The following RAPGEF6 variants were observed in gnomAD, a reference collection of about 807,000 sequenced individuals.
The protein encoded by RAPGEF6 is Rap guanine nucleotide exchange factor 6.
In RAPGEF6, 56 loss-of-function variants were observed where a neutral mutation model predicts 171.4. That is an observed-to-expected ratio of 0.33 (90% CI 0.26 to 0.41). The LOEUF (loss-of-function observed/expected upper bound fraction) is 0.41, where lower values mean the gene tolerates loss of function less well. RAPGEF6 is among the 10% of genes least tolerant of loss of function. The pLI, the probability that RAPGEF6 is intolerant of heterozygous loss-of-function variation, is 1.00. For missense variants in RAPGEF6, 1,674 were observed against 1,921.4 expected (o/e 0.87, Z 2.41); for synonymous variants, 692 against 650.1 (o/e 1.06, Z -0.98).
chr5:131,489,505 TAAG>T (rs1397675467), intron 15 of RAPGEF6, 38 bp downstream of exon 15: 1 of 1,188,610 alleles, frequency 8.4e-7, no homozygotes, highest in Non-Finnish European at 1.2e-6. Context: ...ATTACCAAAT[TAAG>T]AAGAAAGAGT....
At chr5:131,634,871 T>G (rs570471905) in intron 1 of RAPGEF6, 91 bp downstream of exon 1, 24 of 1,431,356 alleles carry the variant, frequency 1.7e-5, no homozygotes, top group Non-Finnish European at 2.3e-5. Context: ...TGCGAGACTC[T>G]GGCAAGAGGG....
intron 7 of RAPGEF6, among the ~76,000 whole-genome samples, chr5:131,512,190 T>A (rs1456607299): frequency 2.0e-5 from 3 of 152,030 alleles, no homozygotes; most frequent in Non-Finnish European, 4.4e-5. Flanking sequence ...AGAGCATTTG[T>A]GACAGAAAGT....
intron 6 of RAPGEF6, among the ~76,000 whole-genome samples, chr5:131,538,866 G>T (rs1355566550): frequency 6.6e-6 from 1 of 151,942 alleles, no homozygotes; most frequent in Non-Finnish European, 1.5e-5. Flanking sequence ...GTCTATTTGT[G>T]GACTCAATAC....
At chr5:131,601,762 A>G (rs567337470) in intron 3 of RAPGEF6, among the ~76,000 whole-genome samples, 1 of 152,210 alleles carries the variant, frequency 6.6e-6, no homozygotes, top group South Asian at 2.1e-4. Context: ...GGCCGGGCGC[A>G]GTGGCTCACG....
chr5:131,466,601 T>C (rs1754367409), intron 17 of RAPGEF6, among the ~76,000 whole-genome samples: 1 of 152,198 alleles, frequency 6.6e-6, no homozygotes, highest in Admixed American at 6.5e-5. Flanking sequence ...CGAGATCTGA[T>C]GGTTTTAAAC....
intron 6 of RAPGEF6, among the ~76,000 whole-genome samples, chr5:131,538,042 T>C (rs1378948698): frequency 6.6e-6 from 1 of 152,164 alleles, no homozygotes; most frequent in African/African-American, 2.4e-5. Flanking sequence ...CAATGAGCTG[T>C]GATCATTCCA....
chr5:131,461,686 C>T lies in RAPGEF6; in HGVS notation c.2864+19G>A, dbSNP rs757805946. On this transcript the variant is annotated intron_variant, in intron 19 of 27. Coordinates refer to ENST00000509018, the MANE Select transcript of RAPGEF6 (RefSeq NM_016340.6). The stretch of plus-strand genomic sequence containing the variant: ...TGACAAAACCATACAGACATTTGTA[C>T]CTATTTGTACCAACTTACCTTATTA... The T allele has an allele frequency of 2.5e-6, 4 of 1,573,780 alleles. No homozygotes were observed. Among genetic ancestry groups the T allele is most frequent in the South Asian group, 2.3e-5 (2 of 86,446 alleles).
Position 131,488,066 on chromosome 5 carries a change from A to G in RAPGEF6, c.1840+1480T>C, listed in dbSNP as rs531426808. Among the ~76,000 whole-genome samples the G allele has an allele frequency of 3.1e-4, 47 of 152,224 alleles. 1 individual carries two copies. In the South Asian group the frequency reaches 9.1e-3, roughly 30 times the overall value. ...CTCCTTGGTGTTTTGCTTTCCTCCT[A>G]GGGTAAGGAAGAAAGAGGTGACTGC... is the stretch of plus-strand genomic sequence containing the variant. On this transcript the variant is annotated intron_variant, in intron 15 of 27. Transcript: ENST00000509018.
At chr5:131,488,174 C>T (rs2149869236) in intron 15 of RAPGEF6, among the ~76,000 whole-genome samples, 1 of 152,252 alleles carries the variant, frequency 6.6e-6, no homozygotes, top group South Asian at 2.1e-4. Flanking sequence ...TGTTTTCCCA[C>T]TACTCAAAGG....
Position 131,508,145 on chromosome 5 carries a change from T to C in RAPGEF6, c.868A>G (p.Arg290Gly), listed in dbSNP as rs1434577533. The change falls in exon 9 of 28, where the codon AGA (arginine) becomes GGA (glycine). Residue 290 changes from arginine to glycine, a missense_variant. Physicochemically the swap from Arg to Gly is moderately radical, Grantham distance 125 (BLOSUM62 -2). This residue lies in a region of RAPGEF6 where 1,116 missense variants were observed against 1,321.5 expected (regional missense o/e 0.84). Coordinates refer to ENST00000509018, the MANE Select transcript of RAPGEF6 (RefSeq NM_016340.6). ...AFANMTMSVR[R>G]ELCSVMIFEV... ...AAAATCATCACTGAGCAGAGTTCTCTCCTTACAGACATGGTCATGTTTGCA... is the reference window on the plus strand; with the variant it reads ...AAAATCATCACTGAGCAGAGTTCTCCCCTTACAGACATGGTCATGTTTGCA... The C allele has an allele frequency of 4.3e-6, 7 of 1,613,566 alleles. No homozygotes were observed. The highest frequency in any genetic ancestry group is 5.9e-6 in the Non-Finnish European group (7 of 1,179,668).
intron 27 of RAPGEF6, 42 bp from the exon 28 acceptor site, chr5:131,427,333 T>G: frequency 6.7e-7 from 1 of 1,484,308 alleles, no homozygotes; most frequent in Non-Finnish European, 9.3e-7. Context: ...GATCAGCATA[T>G]TAATGAGATC....
chr5:131,534,479 A>G (rs111448170), intron 6 of RAPGEF6, among the ~76,000 whole-genome samples: 9 of 152,266 alleles, frequency 5.9e-5, no homozygotes, highest in African/African-American at 2.2e-4. Context: ...CAAAAGACAC[A>G]ATACCAAAAT....
chr5:131,454,556 A>G (rs1038807141), intron 20 of RAPGEF6, among the ~76,000 whole-genome samples: 1 of 152,212 alleles, frequency 6.6e-6, no homozygotes, highest in East Asian at 1.9e-4. Flanking sequence ...CTGGAAAAGA[A>G]CATTAAACTA....
chr5:131,469,595 C>T (rs901004619), intron 17 of RAPGEF6, among the ~76,000 whole-genome samples: 2 of 152,048 alleles, frequency 1.3e-5, no homozygotes, highest in Non-Finnish European at 2.9e-5. Flanking sequence ...AGCATGTATA[C>T]TGATTCCATC....
chr5:131,521,889 ACACTCTCTCTCTCTCT>A (rs1758513550), intron 6 of RAPGEF6, among the ~76,000 whole-genome samples: 1 of 130,760 alleles, frequency 7.6e-6, no homozygotes, highest in African/African-American at 2.8e-5. Context: ...ACACACACAC[ACACTCTCTCTCTCTCT>A]CACACACACA....
rs536360073 is a variant in RAPGEF6 at position 131,514,954 on chromosome 5, A to G, written c.628-4463T>C. ...TTGGTGATAGGATTAAGACAGCATG[A>G]AACTTTTTTCTTTTCCTGACATATG... On this transcript the variant is annotated intron_variant, in intron 7 of 27. Coordinates refer to ENST00000509018, the MANE Select transcript of RAPGEF6 (RefSeq NM_016340.6). Among the ~76,000 whole-genome samples, 46 of 152,310 alleles carry G rather than the reference A, an allele frequency of 3.0e-4. No homozygotes were observed. In the South Asian group the frequency reaches 9.5e-3, roughly 32 times the overall value.
At chr5:131,485,407 T>C (rs1755819070) in intron 15 of RAPGEF6, among the ~76,000 whole-genome samples, 1 of 152,204 alleles carries the variant, frequency 6.6e-6, no homozygotes, top group Non-Finnish European at 1.5e-5. Flanking sequence ...GAGAGAACTT[T>C]AGATGGCTGT....
At chr5:131,487,675 A>G (rs1028411384) in intron 15 of RAPGEF6, among the ~76,000 whole-genome samples, 7 of 152,166 alleles carry the variant, frequency 4.6e-5, no homozygotes, top group Non-Finnish European at 1.0e-4. Flanking sequence ...CTCTAGCTAG[A>G]CAGAAATGTT....
chr5:131,521,287 AT>A, intron 7 of RAPGEF6, 102 bp downstream of exon 7: 2 of 1,238,496 alleles, frequency 1.6e-6, no homozygotes, highest in Non-Finnish European at 2.2e-6. Flanking sequence ...TTACGCTTGA[AT>A]TTCATACTCT....
Sources: allele counts gnomAD v4.1 joint callset (sites outside exome capture counted in the v4.1 genomes callset), GRCh38; gene constraint gnomAD v4.1.1; regional missense constraint gnomAD v4.1.1; transcripts MANE v1.5; gene names NCBI Gene and HGNC (gene_info 2026-07-23, HGNC 2026-07-21).